Variants in C2CD2 observed in about 807,000 individuals in gnomAD.
C2CD2 encodes C2 domain-containing protein 2.
Under a neutral mutation model 74.3 loss-of-function variants are expected in C2CD2, and 43 were observed. The observed-to-expected ratio is 0.58, with a 90% CI of 0.45 to 0.75. C2CD2 has a LOEUF of 0.75. Ranked by LOEUF, C2CD2 falls within the 30% of genes least tolerant of loss-of-function variation. C2CD2 has a pLI of 0.00. For missense variants in C2CD2, 801 were observed against 916.3 expected (o/e 0.87, Z 1.63); for synonymous variants, 422 against 390.7 (o/e 1.08, Z -0.94).
intron 1 of C2CD2, chr21:41,943,096 T>C (rs547209688): frequency 5.1e-6 from 1 of 194,838 alleles, no homozygotes; most frequent in African/African-American, 2.4e-5. Flanking sequence ...AGGCCAGCAG[T>C]TCGAGACCAG....
At chr21:41,890,086 G>A (rs1052064304) in intron 13 of C2CD2, among the ~76,000 whole-genome samples, 3 of 152,108 alleles carry the variant, frequency 2.0e-5, no homozygotes, top group Admixed American at 1.3e-4. Context: ...CAGAAAGGAT[G>A]GTCACACTCA....
intron 10 of C2CD2, 78 bp from the exon 11 acceptor site, chr21:41,905,915 G>C: frequency 1.2e-6 from 1 of 807,546 alleles, no homozygotes; most frequent in Non-Finnish European, 2.2e-6. Context: ...TGAAAGGACA[G>C]CCCTCACTGC....
At chr21:41,928,700 C>T (rs756213122) in intron 2 of C2CD2, among the ~76,000 whole-genome samples, 1 of 152,174 alleles carries the variant, frequency 6.6e-6, no homozygotes, top group Non-Finnish European at 1.5e-5. Context: ...CCCCACCCCC[C>T]AATCCCGCAG....
At chr21:41,938,900 C>A (rs866703137) in intron 2 of C2CD2, among the ~76,000 whole-genome samples, 2 of 152,090 alleles carry the variant, frequency 1.3e-5, no homozygotes, top group South Asian at 4.2e-4. Context: ...TGCCAACACA[C>A]CTGGCCAATT....
intron 6 of C2CD2, among the ~76,000 whole-genome samples, chr21:41,913,562 G>A (rs1297265917): frequency 6.6e-6 from 1 of 152,154 alleles, no homozygotes; most frequent in Admixed American, 6.5e-5. Flanking sequence ...CCACTAAGCA[G>A]TACAGGCTGA....
At chr21:41,947,515 G>A (rs2065411509) in intron 1 of C2CD2, among the ~76,000 whole-genome samples, 1 of 152,122 alleles carries the variant, frequency 6.6e-6, no homozygotes, top group South Asian at 2.1e-4. Flanking sequence ...ATAGTAACAT[G>A]CCACCAATGT....
chr21:41,926,308 T>C lies in C2CD2; in HGVS notation c.379-4223A>G. ...GAACTTTGTATTCCAAATAAACAGCTTCCTCTCTGTATAAGTGACAGAGTG... is the reference window on the plus strand; with the variant it reads ...GAACTTTGTATTCCAAATAAACAGCCTCCTCTCTGTATAAGTGACAGAGTG... On this transcript the variant is annotated intron_variant, in intron 2 of 13. Transcript: ENST00000380486. This position sits in a 1 kb window ranked among gnomAD's most constrained non-coding sequence, Gnocchi z 8.0. 1 of 221,476 alleles carries C rather than the reference T, an allele frequency of 4.5e-6. No individual in the cohort carries two copies. The highest frequency in any genetic ancestry group is 7.6e-6 in the Non-Finnish European group (1 of 131,244). 13.7% of individuals were successfully genotyped at this position (221,476 alleles called of 1,614,324 possible).
At position 41,889,189 on chromosome 21, in the gene C2CD2, T is replaced by G; in HGVS notation, c.2026A>C (p.Lys676Gln). Residue 676 changes from lysine to glutamine, a missense_variant, in exon 14 of 14, where the codon AAG (lysine) becomes CAG (glutamine). Physicochemically the swap from Lys to Gln is moderately conservative, Grantham distance 53 (BLOSUM62 1). Coordinates refer to ENST00000380486, the MANE Select transcript of C2CD2 (RefSeq NM_015500.2). ...GITLTRILNK[K>Q]LLSRHRNKNT... ...TTGTTTCTGTGCCTGGAGAGCAGCT[T>G]CTTGTTCAGGATCCTGGTGAGGGTG... is the stretch of plus-strand genomic sequence containing the variant. 1 of 1,613,182 alleles carries G rather than the reference T, an allele frequency of 6.2e-7. No homozygotes were observed. The highest frequency in any genetic ancestry group is 8.5e-7 in the Non-Finnish European group (1 of 1,180,020).
chr21:41,925,350 G>A (rs1340823015), intron 2 of C2CD2, among the ~76,000 whole-genome samples: 1 of 152,112 alleles, frequency 6.6e-6, no homozygotes, highest in Non-Finnish European at 1.5e-5. Flanking sequence ...CAAGCATGGT[G>A]GTGTGCACCT....
In C2CD2 at chr21:41,899,200, G is replaced by C; in HGVS notation, c.1723C>G (p.Gln575Glu). ...TCCCAGGAGTCTAGCTCGTCCTCCT[G>C]GGGCTTGGGGGCAAGGGATGCCTGG... Reference protein sequence around the residue: ...SAQASLAPKPQEDELDSWDLE... With the variant: ...SAQASLAPKPEEDELDSWDLE... The change falls in exon 13 of 14, where the codon CAG (glutamine) becomes GAG (glutamate). Residue 575 changes from glutamine (Q) to glutamate (E), a missense_variant. Physicochemically the swap from Gln to Glu is conservative, Grantham distance 29. Transcript: ENST00000380486. This position sits in a 1 kb window ranked among gnomAD's most constrained non-coding sequence, Gnocchi z 4.4. 6.2e-7 allele frequency: 1 copy of C among 1,612,272 alleles called. No homozygotes were observed. The highest frequency in any genetic ancestry group is 8.5e-7 in the Non-Finnish European group (1 of 1,179,380).
At chr21:41,894,229 C>T (rs2064793776) in intron 13 of C2CD2, among the ~76,000 whole-genome samples, 1 of 152,170 alleles carries the variant, frequency 6.6e-6, no homozygotes, top group South Asian at 2.1e-4. Context: ...CAATTATATT[C>T]CCCAGCCGCC....
At chr21:41,907,823 T>C in intron 8 of C2CD2, 39 bp from the exon 9 acceptor site, 1 of 1,613,084 alleles carries the variant, frequency 6.2e-7, no homozygotes. Context: ...GCCGCTGATG[T>C]TTCCCGGGCT....
intron 1 of C2CD2, among the ~76,000 whole-genome samples, chr21:41,952,408 T>C (rs2065457491): frequency 6.6e-6 from 1 of 152,154 alleles, no homozygotes; most frequent in Non-Finnish European, 1.5e-5. Flanking sequence ...AAATGAGCAA[T>C]TCTGCTATTT....
intron 5 of C2CD2, among the ~76,000 whole-genome samples, chr21:41,916,132 A>G (rs2065087530): frequency 6.6e-6 from 1 of 152,186 alleles, no homozygotes; most frequent in African/African-American, 2.4e-5. Flanking sequence ...GAAATCCCTG[A>G]AATCCAAGGA....
intron 1 of C2CD2, among the ~76,000 whole-genome samples, chr21:41,952,108 G>T (rs985198627): frequency 4.6e-5 from 7 of 152,180 alleles, no homozygotes; most frequent in African/African-American, 7.2e-5. Flanking sequence ...GAGACAGCTG[G>T]TTTCCCTGAG....
At chr21:41,901,012 A>T (rs1392322217) in intron 12 of C2CD2, 2 of 152,534 alleles carry the variant, frequency 1.3e-5, no homozygotes, top group African/African-American at 4.8e-5. Flanking sequence ...AAAATTTTAA[A>T]ATCAATTTTA....
chr21:41,901,831 C>T (rs1006400370), intron 11 of C2CD2, 82 bp from the exon 12 acceptor site: 73 of 1,247,240 alleles, frequency 5.9e-5, no homozygotes, highest in East Asian at 4.7e-5. Flanking sequence ...TGGAAATGGT[C>T]GATAAGCAAT....
At chr21:41,891,421 G>T (rs1333047185) in intron 13 of C2CD2, among the ~76,000 whole-genome samples, 3 of 152,214 alleles carry the variant, frequency 2.0e-5, no homozygotes, top group African/African-American at 7.2e-5. Flanking sequence ...TTGGAGTTTG[G>T]CCAGTGGGGC....
chr21:41,942,775 C>T, intron 1 of C2CD2: 1 of 157,186 alleles, frequency 6.4e-6, no homozygotes, highest in Non-Finnish European at 1.4e-5. Context: ...TCCTCTCCTA[C>T]CCCCCAGGGG....
Sources: gnomAD v4.1 joint callset for allele counts (sites outside exome capture counted in the v4.1 genomes callset) on GRCh38, gnomAD v4.1.1 for gene constraint, Gnocchi (gnomAD v3.1) non-coding constraint, MANE v1.5 for transcripts, NCBI Gene and HGNC (gene_info 2026-07-23, HGNC 2026-07-21) for gene names.